Variants in CACNA1B observed in about 807,000 individuals in gnomAD.
The protein encoded by CACNA1B is calcium voltage-gated channel subunit alpha1 B.
A neutral mutation model predicts 247.2 loss-of-function variants in CACNA1B; 70 were observed. The observed-to-expected ratio is 0.28, with a 90% confidence interval of 0.23 to 0.35. The LOEUF is 0.35. CACNA1B is among the 10% of genes least tolerant of loss of function. The pLI is 1.00. For synonymous variants in CACNA1B, 1,231 were observed against 1,294.4 expected (o/e 0.95, Z 1.05); for missense variants, 2,367 against 3,197.4 (o/e 0.74, Z 6.26).
intron 15 of CACNA1B, among the ~76,000 whole-genome samples, chr9:137,994,170 G>T (rs1958468617): frequency 1.3e-5 from 2 of 152,192 alleles, no homozygotes; most frequent in African/African-American, 4.8e-5. Context: ...TAAGTCCTCA[G>T]CAAAATCAGC....
Position 138,031,977 on chromosome 9 carries a change from A to T in CACNA1B, c.3286+6805A>T, listed in dbSNP as rs144084751. Among the ~76,000 whole-genome samples the T allele has an allele frequency of 3.1e-4, 47 of 152,118 alleles. No homozygotes were observed. In the East Asian group the frequency reaches 8.9e-3, roughly 29 times the overall value. On this transcript the variant is annotated intron_variant, in intron 20 of 46. Coordinates refer to ENST00000371372, the MANE Select transcript of CACNA1B (RefSeq NM_000718.4). ...TCTGTCTTTTATTTTGCATATTTAG[A>T]TTGTTTACACTTAGCATAATTATTG...
chr9:137,878,902 C>T, intron 1 of CACNA1B, 152 bp from the exon 2 acceptor site: 1 of 574,600 alleles, frequency 1.7e-6, no homozygotes, highest in Non-Finnish European at 3.1e-6. Context: ...TGAGGGAGAC[C>T]AGGCCGCTTC....
chr9:137,936,636 C>T (rs2133312157), intron 6 of CACNA1B, among the ~76,000 whole-genome samples: 1 of 152,198 alleles, frequency 6.6e-6, no homozygotes. Context: ...GTCTTTAATC[C>T]ATCTTGAATT....
chr9:138,043,681 C>T, intron 20 of CACNA1B, 93 bp from the exon 21 acceptor site: 2 of 1,464,388 alleles, frequency 1.4e-6, no homozygotes, highest in Middle Eastern at 2.1e-4. Context: ...GGACCTGACG[C>T]AAGTGCCGGG....
intron 3 of CACNA1B, chr9:137,890,710 G>A (rs1156852123): frequency 6.7e-6 from 1 of 149,888 alleles, no homozygotes; most frequent in African/African-American, 2.4e-5. Context: ...TTCTCTTCAG[G>A]GGTCCCACCA....
At chr9:138,021,362 G>A (rs957486314) in intron 18 of CACNA1B, among the ~76,000 whole-genome samples, 1 of 152,226 alleles carries the variant, frequency 6.6e-6, no homozygotes. Context: ...CCACACTTCC[G>A]CTTTCATTCG....
Position 137,913,094 on chromosome 9 carries a change from C to G in CACNA1B, c.531-86C>G. On this transcript the variant is annotated intron_variant, in intron 3 of 46. Transcript: ENST00000371372. This position sits in a 1 kb window ranked among gnomAD's most constrained non-coding sequence, Gnocchi z 5.2. Reference sequence around the variant, plus strand: ...TGAAGGTGTCACTGCTCTTGGGAGACATGACCCTGGTGGTGGGAGGAGTGT... The same window carrying G: ...TGAAGGTGTCACTGCTCTTGGGAGAGATGACCCTGGTGGTGGGAGGAGTGT... The G allele has an allele frequency of 9.8e-7, 1 of 1,024,564 alleles. No individual in the cohort carries two copies. Among genetic ancestry groups the G allele is most frequent in the South Asian group, 1.4e-5 (1 of 70,520 alleles). The allele number at this position is 1,024,564 out of a possible 1,614,324, so 63.5% of individuals were successfully genotyped here. A position where few individuals can be genotyped will look rare whatever the true frequency, so the allele number is the denominator to read the frequency against.
intron 10 of CACNA1B, among the ~76,000 whole-genome samples, chr9:137,968,355 T>C (rs1958105717): frequency 6.6e-6 from 1 of 152,236 alleles, no homozygotes; most frequent in Non-Finnish European, 1.5e-5. Flanking sequence ...CTGTCGGCCC[T>C]GACGCCTTGT....
At position 138,050,264 on chromosome 9, in the gene CACNA1B, G is replaced by T. The variant is rs1226005894; in HGVS notation, c.3710+949G>T. ...TTCCTGCCATGCCTCTGGGAGCGGG[G>T]CGGGGAGCTGGGCTGGAGCTGGGCA... On this transcript the variant is annotated intron_variant, in intron 24 of 46. Transcript: ENST00000371372. The surrounding 1 kb of genome is among the most constrained non-coding windows in gnomAD (Gnocchi z 5.2). Among the ~76,000 whole-genome samples the T allele has an allele frequency of 1.3e-5, 2 of 152,358 alleles. No homozygotes were observed. The highest frequency in any genetic ancestry group is 2.4e-5 in the African/African-American group (1 of 41,594).
chr9:138,120,867 G>A lies in CACNA1B; in HGVS notation c.6475G>A (p.Gly2159Arg). The change falls in exon 46 of 47, where the codon GGA becomes AGA. Residue 2159 changes from glycine (G) to arginine (R), a missense_variant. Coordinates refer to ENST00000371372, the MANE Select transcript of CACNA1B (RefSeq NM_000718.4). ...PTSPTAGQEP[G>R]PHPQGSGSVN... ...GTCGCCAACAGCTGGCCAGGAGCCG[G>A]GACCCCACCCACAGGTAAGAGGAAT... 1.3e-6 allele frequency: 2 copies of A among 1,571,158 alleles called. No homozygotes were observed. The highest frequency in any genetic ancestry group is 2.4e-5 in the East Asian group (1 of 42,122).
chr9:137,965,835 GGCCTCCCAAA>G (rs1177539258), intron 10 of CACNA1B, among the ~76,000 whole-genome samples: 2 of 152,120 alleles, frequency 1.3e-5, no homozygotes, highest in Non-Finnish European at 2.9e-5. Context: ...CGCCCGCCTT[GGCCTCCCAAA>G]GTGTGGGGAT....
rs1346717077 is a variant in CACNA1B at position 138,057,377 on chromosome 9, G to A, written c.3969-355G>A. ...GCGTCCTCTGAGCACAGAAGTGTCC[G>A]ATTTGATGCGGCCTGATTTATCTGT... On this transcript the variant is annotated intron_variant, in intron 26 of 46. Coordinates refer to ENST00000371372, the MANE Select transcript of CACNA1B (RefSeq NM_000718.4). The surrounding 1 kb of genome is among the most constrained non-coding windows in gnomAD (Gnocchi z 4.0). Among the ~76,000 whole-genome samples, 1 of 152,186 alleles carries A rather than the reference G, an allele frequency of 6.6e-6. No individual in the cohort carries two copies. Among genetic ancestry groups the A allele is most frequent in the African/African-American group, 2.4e-5 (1 of 41,450 alleles).
intron 3 of CACNA1B, among the ~76,000 whole-genome samples, chr9:137,886,971 T>A (rs1166330114): frequency 6.6e-6 from 1 of 150,582 alleles, no homozygotes; most frequent in African/African-American, 2.4e-5. Context: ...TCGAGGGACA[T>A]GGGTGTCCCA....
intron 3 of CACNA1B, among the ~76,000 whole-genome samples, chr9:137,892,893 C>T (rs1454413399): frequency 1.3e-5 from 2 of 152,214 alleles, no homozygotes; most frequent in Admixed American, 6.5e-5. Context: ...GGGTGGCCGC[C>T]GTGTTTCCAT....
At chr9:137,987,951 C>T (rs556419871) in intron 15 of CACNA1B, among the ~76,000 whole-genome samples, 8 of 152,350 alleles carry the variant, frequency 5.3e-5, no homozygotes, top group Admixed American at 5.2e-4. Flanking sequence ...GTTGTCATCC[C>T]TTCTTCCTCT....
At chr9:137,910,330 C>CG (rs1453059188) in intron 3 of CACNA1B, among the ~76,000 whole-genome samples, 1 of 152,066 alleles carries the variant, frequency 6.6e-6, no homozygotes, top group Non-Finnish European at 1.5e-5. Context: ...TTCTCCCTTT[C>CG]TGTAGGTTTC....
intron 18 of CACNA1B, chr9:138,017,180 C>T (rs775834578): frequency 5.8e-6 from 3 of 519,100 alleles, no homozygotes; most frequent in Non-Finnish European, 1.2e-5. Flanking sequence ...CGCAGCTCAT[C>T]TGTCTCCAGC....
intron 25 of CACNA1B, 131 bp from the exon 26 acceptor site, chr9:138,053,715 G>T: frequency 1.8e-6 from 1 of 546,406 alleles, no homozygotes; most frequent in Non-Finnish European, 3.4e-6. Flanking sequence ...TTACGGCCAT[G>T]CCCTCCCACC....
intron 3 of CACNA1B, among the ~76,000 whole-genome samples, chr9:137,905,322 C>T (rs1407609782): frequency 6.8e-6 from 1 of 147,992 alleles, no homozygotes; most frequent in Non-Finnish European, 1.5e-5. Context: ...CACTGCACTC[C>T]AGCCTGGGTG....
Sources: gnomAD v4.1 joint callset for allele counts (sites outside exome capture counted in the v4.1 genomes callset) on GRCh38, gnomAD v4.1.1 for gene constraint, Gnocchi (gnomAD v3.1) non-coding constraint, MANE v1.5 for transcripts, NCBI Gene and HGNC (gene_info 2026-07-23, HGNC 2026-07-21) for gene names.